NUDC: variants seen among roughly 807,000 people sequenced by gnomAD.
NUDC encodes nuclear distribution C, dynein complex regulator.
In NUDC, 14 loss-of-function variants were observed where a neutral mutation model predicts 45.0. The ratio of observed to expected loss-of-function variants is 0.31; its 90% CI spans 0.21 to 0.49. The LOEUF (loss-of-function observed/expected upper bound fraction) is 0.49, where lower values mean the gene tolerates loss of function less well. NUDC is among the 20% of genes least tolerant of loss of function. The pLI, the probability that NUDC is intolerant of heterozygous loss-of-function variation, is 0.99. For synonymous variants in NUDC, 153 were observed against 156.7 expected (o/e 0.98, Z 0.17); for missense variants, 323 against 426.2 (o/e 0.76, Z 2.13).
chr1:26,941,890 T>C (rs1193787973), intron 4 of NUDC, 72 bp downstream of exon 4: 2 of 1,408,746 alleles, frequency 1.4e-6, no homozygotes, highest in Non-Finnish European at 2.0e-6. Flanking sequence ...GCCTACTGCT[T>C]TCTCTGGAAT....
chr1:26,940,368 C>G (rs189360715), intron 2 of NUDC, among the ~76,000 whole-genome samples: 2 of 151,832 alleles, frequency 1.3e-5, no homozygotes, highest in East Asian at 3.9e-4. Flanking sequence ...CCCAGCTACT[C>G]GGGAGGCTAA....
In NUDC at chr1:26,921,826, G is replaced by T. The variant is rs760978067; in HGVS notation, c.-23G>T. On this transcript the variant is annotated 5_prime_UTR_variant, in exon 1 of 9. Transcript: ENST00000321265. ...CGCGGGACTAGAGTGCAGAGCTCCG[G>T]GACGTGGATCGGAGCCGGCGCGATG... 13 of 1,549,100 alleles carry T rather than the reference G, an allele frequency of 8.4e-6. No homozygotes were observed. Among genetic ancestry groups the T allele is most frequent in the South Asian group, 1.2e-5 (1 of 83,984 alleles).
intron 1 of NUDC, among the ~76,000 whole-genome samples, chr1:26,923,649 T>C (rs889014100): frequency 5.3e-5 from 8 of 152,092 alleles, no homozygotes; most frequent in African/African-American, 1.9e-4. Flanking sequence ...TTTTTGTGTT[T>C]TTAGTAGAGA....
At chr1:26,926,173 G>A (rs1002277105) in intron 2 of NUDC, among the ~76,000 whole-genome samples, 1 of 152,052 alleles carries the variant, frequency 6.6e-6, no homozygotes, top group African/African-American at 2.4e-5. Flanking sequence ...GAGCCACCAC[G>A]CCCGGCGCCA....
At chr1:26,926,037 A>G (rs2082129362) in intron 2 of NUDC, among the ~76,000 whole-genome samples, 1 of 145,748 alleles carries the variant, frequency 6.9e-6, no homozygotes, top group African/African-American at 2.6e-5. Context: ...TTTTTTTGAG[A>G]CGGAGTCCCG....
At chr1:26,945,223 C>A (rs2082308858) in intron 6 of NUDC, 167 bp from the exon 7 acceptor site, 1 of 670,162 alleles carries the variant, frequency 1.5e-6, no homozygotes, top group Non-Finnish European at 2.7e-6. Context: ...TGTGTCTCCC[C>A]TAGCTGCAGG....
chr1:26,944,356 A>G (rs913164502), intron 6 of NUDC, among the ~76,000 whole-genome samples: 3 of 151,782 alleles, frequency 2.0e-5, no homozygotes, highest in African/African-American at 7.3e-5. Flanking sequence ...GCGCCACCCT[A>G]CCTGGCTAAT....
chr1:26,901,220 G>A (rs1489130942), intron 1 of NUDC, among the ~76,000 whole-genome samples: 1 of 151,972 alleles, frequency 6.6e-6, no homozygotes, highest in Admixed American at 6.6e-5. Flanking sequence ...AGGCTGGAGT[G>A]CTGGGACCAC....
chr1:26,906,894 T>C (rs180851582), intron 2 of NUDC, among the ~76,000 whole-genome samples: 17 of 152,200 alleles, frequency 1.1e-4, no homozygotes, highest in Admixed American at 1.1e-3. Flanking sequence ...TAAATGTTAA[T>C]GTGGTTATAG....
chr1:26,911,698 G>T, intron 3 of NUDC: 2 of 907,000 alleles, frequency 2.2e-6, no homozygotes, highest in Non-Finnish European at 3.5e-6. Context: ...GTGGGGTGTG[G>T]CTGAGTGAAG....
At chr1:26,923,710 GACCCGC>G in intron 1 of NUDC, among the ~76,000 whole-genome samples, 1 of 152,082 alleles carries the variant, frequency 6.6e-6, no homozygotes, top group Non-Finnish European at 1.5e-5. Flanking sequence ...GACCTCAAGT[GACCCGC>G]CCACCTGAGC....
At chr1:26,931,223 G>T (rs184223697) in intron 2 of NUDC, among the ~76,000 whole-genome samples, 85 of 147,950 alleles carry the variant, frequency 5.7e-4, no homozygotes, top group African/African-American at 2.0e-3. Flanking sequence ...GATTACAGGC[G>T]TGTGCCACCA....
At chr1:26,929,441 T>C (rs112170903) in intron 2 of NUDC, among the ~76,000 whole-genome samples, 2,095 of 151,900 alleles carry the variant, frequency 0.014, 46 homozygotes, top group African/African-American at 0.048. Context: ...TAAAAAAATA[T>C]AATCTAATTA....
chr1:26,911,189 C>T (rs932128213), exon 3 of NUDC: 10 of 469,924 alleles, frequency 2.1e-5, no homozygotes, highest in Middle Eastern at 3.3e-4. Flanking sequence ...TGTTTCAATT[C>T]GGGAGTGGGC....
intron 3 of NUDC, chr1:26,911,888 A>G: frequency 3.1e-6 from 5 of 1,614,124 alleles, no homozygotes; most frequent in Non-Finnish European, 2.5e-6. Flanking sequence ...AGCGATGTCA[A>G]CATCTCCAAT....
At chr1:26,937,700 TG>T (rs2082246273) in intron 2 of NUDC, among the ~76,000 whole-genome samples, 1 of 151,806 alleles carries the variant, frequency 6.6e-6, no homozygotes, top group African/African-American at 2.4e-5. Context: ...TCACCCAGGC[TG>T]GGGTGCAGTG....
chr1:26,930,704 C>G (rs1199477743), intron 2 of NUDC, among the ~76,000 whole-genome samples: 1 of 138,190 alleles, frequency 7.2e-6, no homozygotes, highest in Non-Finnish European at 1.6e-5. Flanking sequence ...GAGCTAAACC[C>G]TGTCTCAAAA....
At chr1:26,940,489 TA>T (rs35111983) in intron 2 of NUDC, among the ~76,000 whole-genome samples, 6,131 of 143,338 alleles carry the variant, frequency 0.043, 399 homozygotes, top group African/African-American at 0.15. Context: ...AAAAAAAAAT[TA>T]AAAAAAAAAG....
intron 6 of NUDC, 100 bp downstream of exon 6, chr1:26,943,165 A>G: frequency 8.3e-7 from 1 of 1,200,786 alleles, no homozygotes. Flanking sequence ...GCATTGTGGG[A>G]TTATCTTAAT....
Sources: gnomAD v4.1 joint callset for allele counts (sites outside exome capture counted in the v4.1 genomes callset) on GRCh38, gnomAD v4.1.1 for gene constraint, MANE v1.5 for transcripts, NCBI Gene and HGNC (gene_info 2026-07-23, HGNC 2026-07-21) for gene names.